STON1: variants seen among roughly 807,000 people sequenced by gnomAD.
STON1 encodes the protein stonin 1.
In STON1, 79 loss-of-function variants were observed where a neutral mutation model predicts 60.9. That is an observed-to-expected ratio of 1.30 (90% CI 1.08 to 1.56). The LOEUF (loss-of-function observed/expected upper bound fraction) is 1.56. Among genes scored for constraint, STON1 ranks in the 40% most tolerant of loss-of-function variants. STON1 has a pLI of 0.00. For synonymous variants in STON1, 363 were observed against 306.9 expected (o/e 1.18, Z -1.91); for missense variants, 1,166 against 858.9 (o/e 1.36, Z -4.47).
intron 2 of STON1, among the ~76,000 whole-genome samples, chr2:48,588,971 A>G (rs985933005): frequency 6.6e-6 from 1 of 152,200 alleles, no homozygotes; most frequent in Non-Finnish European, 1.5e-5. Flanking sequence ...TGATAGAGAG[A>G]GAAAGAGAAA....
intron 2 of STON1, among the ~76,000 whole-genome samples, chr2:48,591,397 A>AT (rs1244960468): frequency 6.6e-6 from 1 of 151,658 alleles, no homozygotes; most frequent in East Asian, 1.9e-4. Flanking sequence ...TTATTTTTAT[A>AT]TTTTTGCCAT....
At chr2:48,579,611 G>C (rs551402256) in intron 1 of STON1, among the ~76,000 whole-genome samples, 35 of 152,212 alleles carry the variant, frequency 2.3e-4, no homozygotes, top group African/African-American at 8.4e-4. Context: ...TCTCACATTT[G>C]TTAAGATTTG....
chr2:48,558,753 C>A (rs1302252217), intron 1 of STON1, among the ~76,000 whole-genome samples: 1 of 152,214 alleles, frequency 6.6e-6, no homozygotes, highest in African/African-American at 2.4e-5. Flanking sequence ...CCCCATGAAG[C>A]CTTCCTTGCT....
At chr2:48,557,862 A>G (rs1379021667) in intron 1 of STON1, among the ~76,000 whole-genome samples, 1 of 152,202 alleles carries the variant, frequency 6.6e-6, no homozygotes, top group East Asian at 1.9e-4. Flanking sequence ...TGCTTTTGAG[A>G]CTAAGACATT....
At chr2:48,558,092 A>G (rs964573631) in intron 1 of STON1, among the ~76,000 whole-genome samples, 1 of 152,244 alleles carries the variant, frequency 6.6e-6, no homozygotes, top group Non-Finnish European at 1.5e-5. Context: ...GCTTGGTGGC[A>G]CATGCCTGTA....
chr2:48,561,954 C>A (rs540694102), intron 1 of STON1, among the ~76,000 whole-genome samples: 1 of 152,090 alleles, frequency 6.6e-6, no homozygotes, highest in Non-Finnish European at 1.5e-5. Context: ...TCTGCCTCCC[C>A]GGTTCAAGTG....
chr2:48,545,458 A>G (rs376356406), intron 1 of STON1, among the ~76,000 whole-genome samples: 5 of 152,230 alleles, frequency 3.3e-5, no homozygotes, highest in East Asian at 3.9e-4. Context: ...CCCTGCTACA[A>G]ACTCCTGCCC....
intron 1 of STON1, 150 bp from the exon 2 acceptor site, chr2:48,580,437 G>A (rs1284607865): frequency 6.5e-6 from 5 of 765,790 alleles, no homozygotes; most frequent in Admixed American, 8.9e-5. Context: ...CTTATAGACA[G>A]CATACAGTTG....
rs538610076 is a variant in STON1 at position 48,581,103 on chromosome 2, C to T, written c.470C>T (p.Pro157Leu). The change falls in exon 2 of 4, where the codon CCT (proline) becomes CTT (leucine). Residue 157 changes from proline to leucine, a missense_variant. Transcript: ENST00000404752. ...GTAGGTCTTCCAGATGAAGTTAATC[C>T]TCAACAGGCTGAAAGCCTAGGATTC... ...PKVGLPDEVN[P>L]QQAESLGFQS... 4.1e-4 allele frequency: 657 copies of T among 1,601,132 alleles called. 5 individuals carry two copies. In the South Asian group the frequency reaches 6.5e-3, roughly 16 times the overall value.
intron 2 of STON1, among the ~76,000 whole-genome samples, chr2:48,583,262 G>A (rs1674003293): frequency 6.6e-6 from 1 of 151,876 alleles, no homozygotes; most frequent in South Asian, 2.1e-4. Flanking sequence ...CTAATTTTTT[G>A]TTTTTTAGTA....
chr2:48,564,455 CTTCTTCTTCTTCTTCTTCTTCTTCTTT>C (rs1672762452), intron 1 of STON1, among the ~76,000 whole-genome samples: 4 of 53,578 alleles, frequency 7.5e-5, no homozygotes, highest in African/African-American at 2.8e-4. Context: ...TCTTCTTCTT[CTTCTTCTTCTTCTTCTTCTTCTTCTTT>C]CTTCTTCTTC....
rs190702076 is a variant in STON1, at chr2:48,540,967, C to T, written c.-48+10751C>T. Among the ~76,000 whole-genome samples the T allele has an allele frequency of 1.2e-3, 177 of 152,198 alleles. 2 individuals are homozygous for T. Among genetic ancestry groups the T allele is most frequent in the African/African-American group, 3.9e-3 (162 of 41,520 alleles). ...GAAAAACATGGTTAGAGAGTTTTTC[C>T]TATACAGAGGGATATTTCTACCCAA... On this transcript the variant is annotated intron_variant, in intron 1 of 3. Transcript: ENST00000404752.
At chr2:48,577,053 C>CAA (rs55808207) in intron 1 of STON1, among the ~76,000 whole-genome samples, 6,190 of 139,838 alleles carry the variant, frequency 0.044, 149 homozygotes, top group African/African-American at 0.05. Flanking sequence ...GATTCCATCT[C>CAA]AAAAAAAAAA....
In STON1 at chr2:48,595,519, C is replaced by G. The variant is rs553833311; in HGVS notation, c.*217C>G. ...CCTAGGGGTTCGATCTAAAATGTTT[C>G]TATAATTCGTGTGATGTTTTGCTTC... On this transcript the variant is annotated 3_prime_UTR_variant, in exon 4 of 4. Coordinates refer to ENST00000404752, the MANE Select transcript of STON1 (RefSeq NM_006873.4). 11 of 493,132 alleles carry G rather than the reference C, an allele frequency of 2.2e-5. No homozygotes were observed. Among genetic ancestry groups the G allele is most frequent in the Non-Finnish European group, 3.9e-5 (11 of 279,254 alleles). The allele number at this position is 493,132 out of a possible 1,614,324, so 30.5% of individuals were successfully genotyped here. A position where few individuals can be genotyped will look rare whatever the true frequency, so the allele number is the denominator to read the frequency against.
chr2:48,551,668 G>A (rs1052475250), intron 1 of STON1, among the ~76,000 whole-genome samples: 1 of 152,218 alleles, frequency 6.6e-6, no homozygotes, highest in Non-Finnish European at 1.5e-5. Flanking sequence ...TTAGTCTCCC[G>A]CATTTTCCTT....
At chr2:48,585,524 G>A (rs1054820070) in intron 2 of STON1, among the ~76,000 whole-genome samples, 2 of 152,076 alleles carry the variant, frequency 1.3e-5, no homozygotes, top group East Asian at 1.9e-4. Context: ...GCTGGGATTA[G>A]AGGTTTGAGC....
At position 48,549,639 on chromosome 2, in the gene STON1, C is replaced by A. The variant is rs1284984786; in HGVS notation, c.-48+19423C>A. 2.6e-5 allele frequency among the ~76,000 whole-genome samples: 4 copies of A among 151,610 alleles called. No homozygotes were observed. The South Asian group carries it at 8.3e-4, about 32-fold the overall frequency. ...CCAGCCTGACCAACATGGTGAAACC[C>A]CTTCTCTACTAAAAATACAAAAATT... On this transcript the variant is annotated intron_variant, in intron 1 of 3. Coordinates refer to ENST00000404752, the MANE Select transcript of STON1 (RefSeq NM_006873.4).
chr2:48,581,982 G>C lies in STON1; in HGVS notation c.1349G>C (p.Gly450Ala). 1 of 1,614,184 alleles carries C rather than the reference G, an allele frequency of 6.2e-7. No homozygotes were observed. The highest frequency in any genetic ancestry group is 1.7e-5 in the Admixed American group (1 of 60,022). Reference sequence around the variant, plus strand: ...ATTTATTGCCTCTGCTTTGTGAATGGGAACCTGGAATGCTTTTTAACCTTG... The same window carrying C: ...ATTTATTGCCTCTGCTTTGTGAATGCGAACCTGGAATGCTTTTTAACCTTG... ...TQIYCLCFVN[G>A]NLECFLTLND... Residue 450 changes from glycine to alanine, a missense_variant, in exon 2 of 4, where the codon GGG becomes GCG. Gly to Ala is a moderately conservative substitution (Grantham distance 60, BLOSUM62 0). Coordinates refer to ENST00000404752, the MANE Select transcript of STON1 (RefSeq NM_006873.4).
intron 2 of STON1, among the ~76,000 whole-genome samples, chr2:48,587,005 C>G (rs546515266): frequency 1.3e-5 from 2 of 152,130 alleles, no homozygotes; most frequent in African/African-American, 4.8e-5. Context: ...TGCCATTAGC[C>G]GAGATAGCCT....
Sources: allele counts gnomAD v4.1 joint callset (sites outside exome capture counted in the v4.1 genomes callset), GRCh38; gene constraint gnomAD v4.1.1; transcripts MANE v1.5; gene names NCBI Gene and HGNC (gene_info 2026-07-23, HGNC 2026-07-21).